The following TSHR variants were observed in gnomAD, a reference collection of about 807,000 sequenced individuals.
TSHR encodes thyroid stimulating hormone receptor.
In TSHR, 51 loss-of-function variants were observed where a neutral mutation model predicts 64.1. The ratio of observed to expected loss-of-function variants is 0.80; its 90% CI spans 0.64 to 1.01. The LOEUF is 1.01. Among genes scored for constraint, TSHR ranks in the 50% least tolerant of loss-of-function variants. The probability of loss-of-function intolerance (pLI) is 0.00; values close to 1 mark genes in which losing one functional copy is unlikely to be tolerated. For synonymous variants in TSHR, 361 were observed against 361.9 expected (o/e 1.00, Z 0.03); for missense variants, 877 against 942.8 (o/e 0.93, Z 0.91).
chr14:80,976,514 C>G (rs1389423403), intron 1 of TSHR, among the ~76,000 whole-genome samples: 1 of 152,166 alleles, frequency 6.6e-6, no homozygotes, highest in Admixed American at 6.5e-5. Context: ...TTTTTGAGGG[C>G]CTGAACCCAT....
intron 1 of TSHR, among the ~76,000 whole-genome samples, chr14:80,995,888 G>GA (rs1235475256): frequency 1.3e-5 from 2 of 150,060 alleles, no homozygotes; most frequent in African/African-American, 4.9e-5. Context: ...TGCTACAAAA[G>GA]AAAAAAACAG....
intron 1 of TSHR, among the ~76,000 whole-genome samples, chr14:81,002,501 ATCTCT>A (rs1566757673): frequency 5.9e-5 from 9 of 152,176 alleles, no homozygotes; most frequent in Non-Finnish European, 1.2e-4. Context: ...GCTTACAGTA[ATCTCT>A]AGCACATAGT....
intron 1 of TSHR, among the ~76,000 whole-genome samples, chr14:80,998,262 G>C (rs1889127759): frequency 6.6e-6 from 1 of 151,970 alleles, no homozygotes; most frequent in Admixed American, 6.6e-5. Flanking sequence ...AGAGTATTGG[G>C]GCAGGCAATC....
chr14:81,141,074 C>T (rs551391025), intron 9 of TSHR, among the ~76,000 whole-genome samples: 4 of 152,262 alleles, frequency 2.6e-5, no homozygotes, highest in South Asian at 4.1e-4. Flanking sequence ...TGCAGTGAGC[C>T]GAGATCGTGC....
intron 1 of TSHR, chr14:80,991,432 AC>A (rs1888720843): frequency 2.6e-6 from 1 of 391,190 alleles, no homozygotes; most frequent in Non-Finnish European, 4.5e-6. Flanking sequence ...AAATAGAGAG[AC>A]AAATTTTTGT....
At chr14:81,114,634 G>T (rs913103692) in intron 8 of TSHR, among the ~76,000 whole-genome samples, 9 of 152,222 alleles carry the variant, frequency 5.9e-5, no homozygotes, top group Non-Finnish European at 1.5e-5. Flanking sequence ...GGCGTGCTTA[G>T]GTAAACAAAG....
At chr14:80,983,410 C>T (rs1888275019) in intron 1 of TSHR, 19 of 1,177,280 alleles carry the variant, frequency 1.6e-5, no homozygotes, top group Admixed American at 4.7e-5. Flanking sequence ...TTAAATATAT[C>T]TGAAAATCCA....
chr14:81,089,740 C>G (rs556494910), intron 4 of TSHR, among the ~76,000 whole-genome samples: 168 of 152,268 alleles, frequency 1.1e-3, no homozygotes, highest in African/African-American at 3.7e-3. Flanking sequence ...GACTCTTGGA[C>G]CTTTTTCCCT....
chr14:81,070,164 GAGAA>G (rs1886953831), intron 3 of TSHR, among the ~76,000 whole-genome samples: 1 of 152,002 alleles, frequency 6.6e-6, no homozygotes, highest in African/African-American at 2.4e-5. Flanking sequence ...CAAGAAAAGA[GAGAA>G]AGAATGAGAA....
intron 1 of TSHR, chr14:81,033,255 AC>A: frequency 2.1e-6 from 1 of 477,510 alleles, no homozygotes. Context: ...ACTACTTGGT[AC>A]TAGATCTTGT....
chr14:80,991,577 G>A, intron 1 of TSHR: 1 of 398,558 alleles, frequency 2.5e-6, no homozygotes, highest in Non-Finnish European at 4.4e-6. Context: ...TCTGGGAATT[G>A]GAGATAAAAT....
At chr14:81,009,103 T>C (rs11847353) in intron 1 of TSHR, among the ~76,000 whole-genome samples, 15,448 of 152,098 alleles carry the variant, frequency 0.1, 2,526 homozygotes, top group African/African-American at 0.35. Context: ...CGCTTCAGTA[T>C]TAATAATAAC....
intron 8 of TSHR, among the ~76,000 whole-genome samples, chr14:81,128,554 A>G (rs1329306791): frequency 1.3e-5 from 2 of 152,130 alleles, no homozygotes; most frequent in African/African-American, 4.8e-5. Context: ...TAAAGAGACA[A>G]AGTCCTCACA....
intron 1 of TSHR, among the ~76,000 whole-genome samples, chr14:80,966,976 C>T (rs925628021): frequency 1.4e-4 from 22 of 152,086 alleles, no homozygotes; most frequent in South Asian, 4.1e-4. Context: ...CACTCATAAA[C>T]GAATTTCCTC....
At chr14:81,054,640 C>T (rs1323528982) in intron 1 of TSHR, among the ~76,000 whole-genome samples, 3 of 152,034 alleles carry the variant, frequency 2.0e-5, no homozygotes, top group Non-Finnish European at 4.4e-5. Flanking sequence ...GCAAAGGTGA[C>T]TCTTGTTATG....
At chr14:81,081,422 G>A (rs1452234853) in intron 3 of TSHR, among the ~76,000 whole-genome samples, 1 of 152,010 alleles carries the variant, frequency 6.6e-6, no homozygotes, top group African/African-American at 2.4e-5. Flanking sequence ...ATGGGGGAGG[G>A]GCGCAGAGCT....
At chr14:80,975,557 G>A (rs184336051) in intron 1 of TSHR, among the ~76,000 whole-genome samples, 1 of 152,216 alleles carries the variant, frequency 6.6e-6, no homozygotes, top group East Asian at 1.9e-4. Flanking sequence ...ATGTTCATAA[G>A]GAGCTTTCTC....
In TSHR at chr14:81,139,925, T is replaced by G. The variant is rs539239352; in HGVS notation, c.881+58T>G. The stretch of plus-strand genomic sequence containing the variant: ...AGACCTTGGTGGAAGTGGAATTCAT[T>G]TCTTGGTTTTGGGGAAGATGCTTCC... On this transcript the variant is annotated intron_variant, in intron 9 of 9. Transcript: ENST00000298171. 3.9e-4 allele frequency: 626 copies of G among 1,600,486 alleles called. 12 individuals carry two copies. In the South Asian group the frequency reaches 6.6e-3, roughly 17 times the overall value.
chr14:80,982,233 C>CAA, intron 1 of TSHR: 2 of 629,532 alleles, frequency 3.2e-6, no homozygotes, highest in South Asian at 5.0e-5. Flanking sequence ...AGGCTCTGGG[C>CAA]AAAGCCACTG....
Sources: allele counts gnomAD v4.1 joint callset (sites outside exome capture counted in the v4.1 genomes callset), GRCh38; gene constraint gnomAD v4.1.1; transcripts MANE v1.5; gene names NCBI Gene and HGNC (gene_info 2026-07-23, HGNC 2026-07-21).